The following HORMAD2 variants were observed in gnomAD, a reference collection of about 807,000 sequenced individuals.
HORMAD2 encodes the protein HORMA domain containing 2.
Under a neutral mutation model 38.8 loss-of-function variants are expected in HORMAD2, and 45 were observed. The observed-to-expected ratio is 1.16, with a 90% CI of 0.91 to 1.49. The LOEUF (loss-of-function observed/expected upper bound fraction) is 1.49, where lower values mean the gene tolerates loss of function less well. Ranked by LOEUF, HORMAD2 falls within the 40% of genes most tolerant of loss-of-function variation. The probability of loss-of-function intolerance (pLI) is 0.00; values close to 1 mark genes in which losing one functional copy is unlikely to be tolerated. For missense variants in HORMAD2, 338 were observed against 367.0 expected (o/e 0.92, Z 0.65); for synonymous variants, 126 against 122.8 (o/e 1.03, Z -0.17).
rs369878157 is a variant in HORMAD2 at position 30,104,437 on chromosome 22, C to T, written c.294C>T (p.Tyr98=). ...GTTTTGATGCTTTGGAAAAGAGATA[C>T]GTAAGAATGTTTTTACACTTACACT... ...QGCFDALEKR[Y]LRMAVLTLYT... The change falls in exon 5 of 11, where the codon TAC becomes TAT. Residue 98 remains tyrosine (Y), a splice_region_variant and synonymous_variant. Transcript: ENST00000336726. 29 of 1,605,182 alleles carry T rather than the reference C, an allele frequency of 1.8e-5. No individual in the cohort carries two copies. The Middle Eastern group carries it at 9.9e-4, about 55-fold the overall frequency.
the HORMAD2 span, among the ~76,000 whole-genome samples, chr22:30,205,705 G>A: frequency 6.6e-6 from 1 of 152,148 alleles, no homozygotes; most frequent in African/African-American, 2.4e-5. Context: ...GATGAGTCTT[G>A]GGGGAGGGAG....
the HORMAD2 span, among the ~76,000 whole-genome samples, chr22:30,200,935 A>G: frequency 1.3e-5 from 2 of 151,972 alleles, no homozygotes. Flanking sequence ...TTTTTAGTAG[A>G]GACAAGGTTT....
intron 1 of HORMAD2, among the ~76,000 whole-genome samples, chr22:30,081,723 G>A (rs2068479618): frequency 6.6e-6 from 1 of 151,936 alleles, no homozygotes; most frequent in Non-Finnish European, 1.5e-5. Flanking sequence ...CTACAGGTGT[G>A]CACCACCACG....
chr22:30,116,835 A>T (rs979639423), intron 7 of HORMAD2, among the ~76,000 whole-genome samples: 1 of 152,254 alleles, frequency 6.6e-6, no homozygotes, highest in Non-Finnish European at 1.5e-5. Flanking sequence ...CACTCAGAGC[A>T]TTAAAAAGCT....
chr22:30,156,436 A>T (rs1239598637), intron 10 of HORMAD2, among the ~76,000 whole-genome samples: 1 of 152,222 alleles, frequency 6.6e-6, no homozygotes, highest in Non-Finnish European at 1.5e-5. Context: ...TGAATGTAGA[A>T]ACAAAACAAC....
chr22:30,143,568 A>G (rs1924226345), intron 10 of HORMAD2, among the ~76,000 whole-genome samples: 1 of 152,034 alleles, frequency 6.6e-6, no homozygotes. Context: ...TTTGTTAGCA[A>G]TGAGTCATTT....
intron 10 of HORMAD2, among the ~76,000 whole-genome samples, chr22:30,144,299 C>T (rs71331228): frequency 2.3e-3 from 353 of 152,338 alleles, no homozygotes; most frequent in Non-Finnish European, 3.2e-3. Flanking sequence ...GTTCTGACCA[C>T]AGGAGGACTT....
the HORMAD2 span, among the ~76,000 whole-genome samples, chr22:30,183,564 C>A: frequency 6.6e-6 from 1 of 152,216 alleles, no homozygotes; most frequent in East Asian, 1.9e-4. Context: ...CCAACTGAAG[C>A]AGGTACTGCT....
intron 10 of HORMAD2, among the ~76,000 whole-genome samples, chr22:30,157,751 GA>G (rs1161618092): frequency 2.0e-5 from 3 of 152,098 alleles, no homozygotes; most frequent in Non-Finnish European, 4.4e-5. Context: ...TGAAGTGAAA[GA>G]CTTCGGTATT....
At chr22:30,194,446 A>G in the HORMAD2 span, among the ~76,000 whole-genome samples, 2 of 152,322 alleles carry the variant, frequency 1.3e-5, no homozygotes, top group South Asian at 2.1e-4. Context: ...AGTGGGACCT[A>G]TGGCTGGTTG....
the HORMAD2 span, among the ~76,000 whole-genome samples, chr22:30,196,476 T>A: frequency 4.5e-3 from 691 of 152,320 alleles, 2 homozygotes; most frequent in Non-Finnish European, 7.1e-3. Context: ...ATGGCCAGCG[T>A]CATCACCATC....
chr22:30,093,681 G>A (rs1195291584), intron 1 of HORMAD2, among the ~76,000 whole-genome samples: 4 of 151,920 alleles, frequency 2.6e-5, no homozygotes, highest in South Asian at 2.1e-4. Context: ...TCATTTTATC[G>A]TTTAGATAGA....
intron 10 of HORMAD2, among the ~76,000 whole-genome samples, chr22:30,168,305 T>G (rs1354283968): frequency 6.6e-6 from 1 of 152,202 alleles, no homozygotes; most frequent in East Asian, 1.9e-4. Context: ...CATATTTAAA[T>G]GTTTACCTAT....
intron 10 of HORMAD2, among the ~76,000 whole-genome samples, chr22:30,163,076 C>T (rs558802765): frequency 1.3e-5 from 2 of 152,228 alleles, no homozygotes; most frequent in East Asian, 1.9e-4. Flanking sequence ...ACTTAACATA[C>T]GTCTTACAGA....
At chr22:30,188,256 A>C in the HORMAD2 span, among the ~76,000 whole-genome samples, 1 of 151,814 alleles carries the variant, frequency 6.6e-6, no homozygotes, top group Admixed American at 6.6e-5. Context: ...AACCTCAAAA[A>C]CTCTTGGGAG....
intron 10 of HORMAD2, chr22:30,137,459 A>C (rs1212450610): frequency 3.8e-6 from 1 of 264,038 alleles, no homozygotes; most frequent in Admixed American, 4.0e-5. Flanking sequence ...CTGCACTGCA[A>C]CCAGGGCTAC....
chr22:30,165,558 C>T (rs1217580557), intron 10 of HORMAD2, among the ~76,000 whole-genome samples: 1 of 152,132 alleles, frequency 6.6e-6, no homozygotes. Context: ...TCCATGGTCT[C>T]ATCATTTTAT....
At chr22:30,195,438 G>A in the HORMAD2 span, among the ~76,000 whole-genome samples, 1 of 152,096 alleles carries the variant, frequency 6.6e-6, no homozygotes, top group African/African-American at 2.4e-5. Context: ...AGATAAGAAG[G>A]ATTCACAAAG....
intron 3 of HORMAD2, among the ~76,000 whole-genome samples, chr22:30,102,326 G>A (rs1373251244): frequency 6.6e-6 from 1 of 152,094 alleles, no homozygotes; most frequent in Non-Finnish European, 1.5e-5. Flanking sequence ...ACTACCCTAG[G>A]CAACGGCAAT....
Sources: allele counts gnomAD v4.1 joint callset (sites outside exome capture counted in the v4.1 genomes callset), GRCh38; gene constraint gnomAD v4.1.1; transcripts MANE v1.5; gene names NCBI Gene and HGNC (gene_info 2026-07-23, HGNC 2026-07-21).